MAF: variants seen among roughly 807,000 people sequenced by gnomAD.
MAF encodes the protein MAF bZIP transcription factor.
A neutral mutation model predicts 22.0 loss-of-function variants in MAF; 10 were observed. The observed-to-expected ratio is 0.45, with a 90% confidence interval of 0.28 to 0.77. The LOEUF (loss-of-function observed/expected upper bound fraction) is 0.77, where lower values mean the gene tolerates loss of function less well. Among genes scored for constraint, MAF ranks in the 30% least tolerant of loss-of-function variants. MAF has a pLI of 0.12. For missense variants in MAF, 544 were observed against 548.4 expected (o/e 0.99, Z 0.08); for synonymous variants, 337 against 255.8 (o/e 1.32, Z -3.03).
the MAF span, among the ~76,000 whole-genome samples, chr16:79,451,555 A>G: frequency 1.3e-5 from 2 of 152,272 alleles, no homozygotes; most frequent in Admixed American, 6.5e-5. Flanking sequence ...ACAATCCTGA[A>G]ACATAACTGC....
chr16:79,368,622 C>G, the MAF span, among the ~76,000 whole-genome samples: 2 of 152,174 alleles, frequency 1.3e-5, no homozygotes. Context: ...CAAGTCCCCA[C>G]CAGTAGGAGC....
At chr16:79,228,023 C>A in the MAF span, among the ~76,000 whole-genome samples, 1 of 152,106 alleles carries the variant, frequency 6.6e-6, no homozygotes, top group East Asian at 1.9e-4. Context: ...CTCACCTGAG[C>A]CTCCCAAGTA....
the MAF span, among the ~76,000 whole-genome samples, chr16:79,346,625 T>C: frequency 1.3e-5 from 2 of 152,160 alleles, no homozygotes; most frequent in Non-Finnish European, 2.9e-5. Context: ...CATTTTATTA[T>C]TTGAGGTGAA....
At chr16:79,564,288 G>A in the MAF span, among the ~76,000 whole-genome samples, 1 of 152,216 alleles carries the variant, frequency 6.6e-6, no homozygotes, top group Non-Finnish European at 1.5e-5. Flanking sequence ...CTTGCTGGAA[G>A]ACTTCTTTTT....
chr16:79,389,941 AC>A, the MAF span, among the ~76,000 whole-genome samples: 6 of 125,456 alleles, frequency 4.8e-5, no homozygotes, highest in Admixed American at 1.1e-4. Flanking sequence ...GTACCACTGC[AC>A]CTCCAGCACG....
chr16:79,375,737 A>G, the MAF span, among the ~76,000 whole-genome samples: 2 of 152,186 alleles, frequency 1.3e-5, no homozygotes, highest in Middle Eastern at 3.2e-3. Flanking sequence ...CAGACTTAAA[A>G]AAAAATCTGC....
chr16:79,326,243 A>C, the MAF span, among the ~76,000 whole-genome samples: 1 of 152,210 alleles, frequency 6.6e-6, no homozygotes, highest in Non-Finnish European at 1.5e-5. Flanking sequence ...TAACAGTATC[A>C]ACCTCATAGG....
At chr16:79,445,547 T>A in the MAF span, among the ~76,000 whole-genome samples, 1 of 152,232 alleles carries the variant, frequency 6.6e-6, no homozygotes, top group Non-Finnish European at 1.5e-5. Flanking sequence ...GTTCAGGTGC[T>A]AACCCCCCAA....
At chr16:79,427,594 C>T in the MAF span, among the ~76,000 whole-genome samples, 1 of 151,896 alleles carries the variant, frequency 6.6e-6, no homozygotes, top group Non-Finnish European at 1.5e-5. Context: ...GGTGCACAGC[C>T]AGGAATGCTC....
chr16:79,587,158 A>G (rs1170592575), intron 1 of MAF, among the ~76,000 whole-genome samples: 3 of 152,246 alleles, frequency 2.0e-5, no homozygotes, highest in Non-Finnish European at 4.4e-5. Flanking sequence ...TTACCCTTGT[A>G]TCTGTCAAAG....
the MAF span, among the ~76,000 whole-genome samples, chr16:79,392,534 CAA>C: frequency 4.0e-5 from 6 of 151,576 alleles, no homozygotes; most frequent in Non-Finnish European, 8.8e-5. Context: ...AGCCAGTAAA[CAA>C]GAGAGGAGAT....
chr16:79,551,546 G>C, the MAF span, among the ~76,000 whole-genome samples: 1 of 152,182 alleles, frequency 6.6e-6, no homozygotes, highest in African/African-American at 2.4e-5. Flanking sequence ...TTTTGAAACA[G>C]AAATTAAATC....
chr16:79,290,679 T>C, the MAF span, among the ~76,000 whole-genome samples: 6 of 152,114 alleles, frequency 3.9e-5, no homozygotes, highest in African/African-American at 1.2e-4. Flanking sequence ...CGGGTGTGCT[T>C]TGAGACACTG....
the MAF span, among the ~76,000 whole-genome samples, chr16:79,370,704 C>A: frequency 6.6e-6 from 1 of 152,178 alleles, no homozygotes; most frequent in Non-Finnish European, 1.5e-5. Context: ...TTTTCCAAAG[C>A]ATATATCAGA....
chr16:79,284,528 G>A, the MAF span, among the ~76,000 whole-genome samples: 1 of 152,200 alleles, frequency 6.6e-6, no homozygotes, highest in Non-Finnish European at 1.5e-5. Context: ...AAAGAGAGCA[G>A]AGATATTTCT....
chr16:79,492,867 A>G, the MAF span, among the ~76,000 whole-genome samples: 1 of 152,194 alleles, frequency 6.6e-6, no homozygotes. Context: ...AGATCATACT[A>G]GGAGGTTAGT....
At chr16:79,311,303 G>A in the MAF span, among the ~76,000 whole-genome samples, 1 of 151,928 alleles carries the variant, frequency 6.6e-6, no homozygotes, top group African/African-American at 2.4e-5. Flanking sequence ...TGCACCTTCT[G>A]GCTCCAGAGA....
chr16:79,484,512 T>C, the MAF span, among the ~76,000 whole-genome samples: 21,480 of 152,200 alleles, frequency 0.14, 2,170 homozygotes, highest in African/African-American at 0.28. Flanking sequence ...GGTTCACTTT[T>C]CATAGTCTTT....
chr16:79,417,245 G>A, the MAF span, among the ~76,000 whole-genome samples: 1 of 152,014 alleles, frequency 6.6e-6, no homozygotes, highest in Non-Finnish European at 1.5e-5. Flanking sequence ...TCCATCTTGA[G>A]GTCATTAAAA....
Sources: allele counts gnomAD v4.1 joint callset (sites outside exome capture counted in the v4.1 genomes callset), GRCh38; gene constraint gnomAD v4.1.1; transcripts MANE v1.5; gene names NCBI Gene and HGNC (gene_info 2026-07-23, HGNC 2026-07-21).